The following ADAMTS17 variants were observed in gnomAD, a reference collection of about 807,000 sequenced individuals.
ADAMTS17 encodes A disintegrin and metalloproteinase with thrombospondin motifs 17.
Under a neutral mutation model 141.5 loss-of-function variants are expected in ADAMTS17, and 113 were observed. The observed-to-expected ratio is 0.80, with a 90% CI of 0.69 to 0.93. ADAMTS17 has a LOEUF of 0.93. Ranked by LOEUF, ADAMTS17 falls within the 40% of genes least tolerant of loss-of-function variation. The pLI, the probability that ADAMTS17 is intolerant of heterozygous loss-of-function variation, is 0.00. For synonymous variants in ADAMTS17, 768 were observed against 630.6 expected (o/e 1.22, Z -3.27); for missense variants, 1,659 against 1,517.9 (o/e 1.09, Z -1.54).
At chr15:99,977,959 G>C (rs1261708050) in intron 20 of ADAMTS17, among the ~76,000 whole-genome samples, 1 of 152,182 alleles carries the variant, frequency 6.6e-6, no homozygotes, top group South Asian at 2.1e-4. Flanking sequence ...AGCAAAACCG[G>C]TACAGCAGCC....
At position 100,331,067 on chromosome 15, in the gene ADAMTS17, G is replaced by A; in HGVS notation, c.451-13C>T. The A allele has an allele frequency of 6.2e-7, 1 of 1,614,158 alleles. No homozygotes were observed. The highest frequency in any genetic ancestry group is 8.5e-7 in the Non-Finnish European group (1 of 1,180,020). On this transcript the variant is annotated splice_polypyrimidine_tract_variant and intron_variant, in intron 2 of 21. Coordinates refer to ENST00000268070, the MANE Select transcript of ADAMTS17 (RefSeq NM_139057.4). ...GAATGAGGCCAACCTGTCCAGAAAG[G>A]AGAAGGAAACGCGATGTCGGTCATC...
intron 7 of ADAMTS17, among the ~76,000 whole-genome samples, chr15:100,239,582 C>T (rs117675977): frequency 1.1e-4 from 17 of 152,274 alleles, no homozygotes; most frequent in South Asian, 4.2e-4. Flanking sequence ...AGAAGGGGGT[C>T]TCTCTCCAGC....
At chr15:100,329,554 T>G (rs1367283945) in intron 3 of ADAMTS17, among the ~76,000 whole-genome samples, 1 of 148,356 alleles carries the variant, frequency 6.7e-6, no homozygotes, top group Admixed American at 6.7e-5. Context: ...CATACTGACA[T>G]CAAATCCACA....
rs74037585 is a variant in ADAMTS17 at position 100,227,735 on chromosome 15, C to T, written c.1075+26401G>A. Among the ~76,000 whole-genome samples, 421 of 152,316 alleles carry T rather than the reference C, an allele frequency of 2.8e-3. 2 individuals are homozygous for T. Among genetic ancestry groups the T allele is most frequent in the African/African-American group, 8.9e-3 (370 of 41,562 alleles). Reference sequence around the variant, plus strand: ...CCTTTGCTTAGATTTCCCTGGGCTACGTGGGATTGCACAGCCACTGCTGCA... The same window carrying T: ...CCTTTGCTTAGATTTCCCTGGGCTATGTGGGATTGCACAGCCACTGCTGCA... On this transcript the variant is annotated intron_variant, in intron 7 of 21. Transcript: ENST00000268070.
intron 12 of ADAMTS17, chr15:100,129,446 A>G (rs1220237874): frequency 6.6e-6 from 1 of 152,316 alleles, no homozygotes; most frequent in Non-Finnish European, 1.5e-5. Context: ...TCGGCGCTAT[A>G]AGAAGTCATG....
chr15:100,053,933 A>G lies in ADAMTS17; in HGVS notation c.2259T>C (p.Ser753=). 1.9e-6 allele frequency: 3 copies of G among 1,614,202 alleles called. No individual in the cohort carries two copies. Among genetic ancestry groups the G allele is most frequent in the East Asian group, 2.2e-5 (1 of 44,886 alleles). ...GCGGTAGTTTGGTTGGTCCCTTGGC[A>G]GAGATCTTCTCCCACAGCCCCCTTC... The part of the protein sequence containing the change: ...YVRRGLWEKI[S]AKGPTKLPLH... The change falls in exon 16 of 22, where the codon TCT becomes TCC. Residue 753 remains serine (S), a synonymous_variant. Transcript: ENST00000268070.
chr15:100,144,807 G>A (rs2038824227), intron 10 of ADAMTS17, among the ~76,000 whole-genome samples: 1 of 151,632 alleles, frequency 6.6e-6, no homozygotes, highest in African/African-American at 2.4e-5. Context: ...CGAGACCAGG[G>A]AGGCCTCTCC....
intron 16 of ADAMTS17, among the ~76,000 whole-genome samples, chr15:100,053,030 C>A (rs1269968207): frequency 6.6e-6 from 1 of 152,222 alleles, no homozygotes; most frequent in Non-Finnish European, 1.5e-5. Flanking sequence ...TACAGGCTGC[C>A]AGAGATCACA....
intron 7 of ADAMTS17, among the ~76,000 whole-genome samples, chr15:100,223,098 A>C (rs948523225): frequency 1.3e-5 from 2 of 152,228 alleles, no homozygotes; most frequent in Admixed American, 1.3e-4. Context: ...TTACTGCACC[A>C]CAAGGAAAGT....
intron 8 of ADAMTS17, among the ~76,000 whole-genome samples, chr15:100,196,377 G>A (rs1272178099): frequency 6.6e-6 from 1 of 152,248 alleles, no homozygotes; most frequent in South Asian, 2.1e-4. Context: ...AAAATCATGT[G>A]AATCTGTGCA....
Position 100,243,715 on chromosome 15 carries a change from G to A in ADAMTS17, c.1075+10421C>T, listed in dbSNP as rs138794324. 8.9e-4 allele frequency among the ~76,000 whole-genome samples: 135 copies of A among 151,786 alleles called. No individual in the cohort carries two copies. In the East Asian group the frequency reaches 0.024, roughly 27 times the overall value. On this transcript the variant is annotated intron_variant, in intron 7 of 21. Coordinates refer to ENST00000268070, the MANE Select transcript of ADAMTS17 (RefSeq NM_139057.4). ...TGAGGCAGGAGAACTGCTGGAACCC[G>A]GGAGGCAGAGGTTGTAGTGAGCGGA...
intron 12 of ADAMTS17, among the ~76,000 whole-genome samples, chr15:100,124,481 T>G (rs4965587): frequency 2.0e-5 from 3 of 152,228 alleles, no homozygotes; most frequent in Non-Finnish European, 4.4e-5. Flanking sequence ...ACAACACCGG[T>G]GTCAGTGAGG....
chr15:100,341,448 C>G, intron 1 of ADAMTS17, 39 bp from the exon 2 acceptor site: 2 of 1,008,656 alleles, frequency 2.0e-6, no homozygotes, highest in Non-Finnish European at 2.4e-6. Flanking sequence ...CGGCGGGGCC[C>G]GCCCGGACGC....
chr15:100,065,758 G>A (rs1192090847), intron 15 of ADAMTS17, among the ~76,000 whole-genome samples: 3 of 152,132 alleles, frequency 2.0e-5, no homozygotes, highest in African/African-American at 7.2e-5. Context: ...GAATGTGCAG[G>A]TTTGTTACAT....
At chr15:100,133,992 C>T (rs1567231157) in intron 10 of ADAMTS17, among the ~76,000 whole-genome samples, 1 of 152,220 alleles carries the variant, frequency 6.6e-6, no homozygotes, top group African/African-American at 2.4e-5. Flanking sequence ...GGCATTTAAA[C>T]ACACAGACTC....
intron 18 of ADAMTS17, among the ~76,000 whole-genome samples, chr15:100,045,877 TTTAA>T (rs962423108): frequency 7.2e-5 from 11 of 152,204 alleles, no homozygotes; most frequent in African/African-American, 2.4e-4. Context: ...GCTTTCTAGA[TTTAA>T]TTAATTAATT....
At chr15:100,239,186 A>G (rs1224214230) in intron 7 of ADAMTS17, among the ~76,000 whole-genome samples, 3 of 152,262 alleles carry the variant, frequency 2.0e-5, no homozygotes, top group African/African-American at 7.2e-5. Flanking sequence ...GCCTTCGGGC[A>G]AGACATCTCC....
chr15:100,022,647 T>A (rs1385729971), intron 18 of ADAMTS17, among the ~76,000 whole-genome samples: 5 of 152,316 alleles, frequency 3.3e-5, no homozygotes, highest in African/African-American at 9.6e-5. Flanking sequence ...ACAGGTTTGC[T>A]GAGCCAAAGG....
At chr15:100,185,045 A>G (rs1298507511) in intron 8 of ADAMTS17, among the ~76,000 whole-genome samples, 1 of 152,186 alleles carries the variant, frequency 6.6e-6, no homozygotes, top group Non-Finnish European at 1.5e-5. Context: ...GAGGATGCCT[A>G]ACATGGACAG....
Sources: allele counts gnomAD v4.1 joint callset (sites outside exome capture counted in the v4.1 genomes callset), GRCh38; gene constraint gnomAD v4.1.1; transcripts MANE v1.5; gene names NCBI Gene and HGNC (gene_info 2026-07-23, HGNC 2026-07-21).